The following PKHD1L1 variants were observed in gnomAD, a reference collection of about 807,000 sequenced individuals.
PKHD1L1 encodes the protein fibrocystin-L.
Under a neutral mutation model 462.9 loss-of-function variants are expected in PKHD1L1, and 434 were observed. The ratio of observed to expected loss-of-function variants is 0.94; its 90% CI spans 0.87 to 1.02. The LOEUF is 1.02. PKHD1L1 is among the 50% of genes least tolerant of loss of function. The pLI is 0.00. For missense variants in PKHD1L1, 5,202 were observed against 5,096.1 expected, an observed-to-expected ratio of 1.02 and a Z score of -0.63; for synonymous variants, 1,781 against 1,750.0, an observed-to-expected ratio of 1.02 and a Z score of -0.44.
At chr8:109,510,634 G>C in intron 70 of PKHD1L1, 143 bp from the exon 71 acceptor site, 1 of 1,050,538 alleles carries the variant, frequency 9.5e-7, no homozygotes, top group Non-Finnish European at 1.3e-6. Flanking sequence ...GCTGGGTAAC[G>C]GTGGATGGGT....
At chr8:109,387,460 G>A (rs931745962) in intron 6 of PKHD1L1, among the ~76,000 whole-genome samples, 1 of 152,252 alleles carries the variant, frequency 6.6e-6, no homozygotes, top group South Asian at 2.1e-4. Context: ...GTTATTGTCT[G>A]CAGGCTTGGG....
intron 63 of PKHD1L1, among the ~76,000 whole-genome samples, chr8:109,494,784 A>AAT (rs1452315368): frequency 6.6e-6 from 1 of 151,982 alleles, no homozygotes; most frequent in African/African-American, 2.4e-5. Context: ...CAGTACTTAT[A>AAT]ATTGCATACT....
chr8:109,434,151 T>C (rs1430018660), intron 28 of PKHD1L1, among the ~76,000 whole-genome samples: 1 of 152,050 alleles, frequency 6.6e-6, no homozygotes, highest in Non-Finnish European at 1.5e-5. Context: ...CTAATGTAGG[T>C]GACGGGTTAA....
At chr8:109,363,839 G>A (rs1195678299) in intron 1 of PKHD1L1, among the ~76,000 whole-genome samples, 6 of 152,188 alleles carry the variant, frequency 3.9e-5, no homozygotes, top group African/African-American at 1.4e-4. Flanking sequence ...GACACAAGCA[G>A]CGTGGGTGAA....
At chr8:109,396,321 C>T (rs1812974125) in intron 11 of PKHD1L1, among the ~76,000 whole-genome samples, 184 bp downstream of exon 11, 1 of 152,130 alleles carries the variant, frequency 6.6e-6, no homozygotes, top group Non-Finnish European at 1.5e-5. Flanking sequence ...CAGCAAGGGT[C>T]ACTCCCTGAA....
chr8:109,534,022 C>G lies in PKHD1L1; in HGVS notation c.*3932C>G, dbSNP rs1821098576. 6.6e-6 allele frequency among the ~76,000 whole-genome samples: 1 copy of G among 152,228 alleles called. No individual in the cohort carries two copies. Among genetic ancestry groups the G allele is most frequent in the African/African-American group, 2.4e-5 (1 of 41,450 alleles). ...GTGGTTATCCTAAATCTCCTGCTTT[C>G]ATCAGATGTCTGAGATGGCAAAATT... On this transcript the variant is annotated 3_prime_UTR_variant, in exon 78 of 78. Transcript: ENST00000378402.
chr8:109,404,873 G>A (rs935990419), intron 15 of PKHD1L1, 122 bp from the exon 16 acceptor site: 23 of 1,103,110 alleles, frequency 2.1e-5, no homozygotes, highest in Non-Finnish European at 2.5e-5. Context: ...AAGCCAAAAA[G>A]GCTGTTACTT....
In PKHD1L1 at chr8:109,518,104, C is replaced by T. The variant is rs962188912; in HGVS notation, c.11690-63C>T. ...CTAAATTCAAACAAACATTAAGTAA[C>T]GCATGTTGATTGTGATAATATAAAA... On this transcript the variant is annotated intron_variant, in intron 72 of 77. Coordinates refer to ENST00000378402, the MANE Select transcript of PKHD1L1 (RefSeq NM_177531.6). The T allele has an allele frequency of 1.7e-5, 17 of 986,288 alleles. No individual in the cohort carries two copies. In the East Asian group the frequency reaches 1.8e-4, roughly 10 times the overall value. 61.1% of individuals were successfully genotyped at this position (986,288 alleles called of 1,614,324 possible). A position where few individuals can be genotyped will look rare whatever the true frequency, so the allele number is the denominator to read the frequency against.
In PKHD1L1 at chr8:109,464,829, G is replaced by A; in HGVS notation, c.7997G>A (p.Gly2666Asp). 6.2e-7 allele frequency: 1 copy of A among 1,613,796 alleles called. No homozygotes were observed. The highest frequency in any genetic ancestry group is 8.5e-7 in the Non-Finnish European group (1 of 1,179,794). Residue 2666 changes from glycine to aspartate, a missense_variant, in exon 49 of 78, where the codon GGT (glycine) becomes GAT (aspartate). Physicochemically the swap from Gly to Asp is moderately conservative, Grantham distance 94 (BLOSUM62 -1). This residue lies in a region of PKHD1L1 where 4,497 missense variants were observed against 4,336.8 expected (regional missense o/e 1.04). Coordinates refer to ENST00000378402, the MANE Select transcript of PKHD1L1 (RefSeq NM_177531.6). Reference sequence around the variant, plus strand: ...AAAGGAGCTGAATGGGTCAATGGAGGTGCCCTTCAGTTCCATAACTTTGTG... The same window carrying A: ...AAAGGAGCTGAATGGGTCAATGGAGATGCCCTTCAGTTCCATAACTTTGTG... Reference protein sequence around the residue: ...CQKGAEWVNGGALQFHNFVMV... With the variant: ...CQKGAEWVNGDALQFHNFVMV...
intron 2 of PKHD1L1, among the ~76,000 whole-genome samples, chr8:109,374,144 C>T (rs7832453): frequency 0.59 from 90,115 of 151,840 alleles, 27,305 homozygotes; most frequent in African/African-American, 0.71. Context: ...CTAAGTCTCT[C>T]TTTAGGTCTC....
chr8:109,443,996 A>G lies in PKHD1L1; in HGVS notation c.4791+94A>G. On this transcript the variant is annotated intron_variant, in intron 37 of 77. Coordinates refer to ENST00000378402, the MANE Select transcript of PKHD1L1 (RefSeq NM_177531.6). The stretch of plus-strand genomic sequence containing the variant: ...TTGTTATTTAATTTTTACCAGCTTT[A>G]TTGAGCTATATCACATACCATACAA... The G allele has an allele frequency of 5.6e-6, 6 of 1,069,754 alleles. No individual in the cohort carries two copies. In the South Asian group the frequency reaches 9.4e-5, roughly 17 times the overall value. The allele number at this position is 1,069,754 out of a possible 1,614,324, so 66.3% of individuals were successfully genotyped here.
At chr8:109,370,194 C>T (rs1811427550) in intron 2 of PKHD1L1, among the ~76,000 whole-genome samples, 1 of 152,150 alleles carries the variant, frequency 6.6e-6, no homozygotes, top group South Asian at 2.1e-4. Flanking sequence ...TCTTGGCTCA[C>T]TGCAACCTCT....
intron 76 of PKHD1L1, 143 bp downstream of exon 76, chr8:109,523,529 A>C (rs961708547): frequency 4.1e-6 from 3 of 724,290 alleles, no homozygotes; most frequent in Non-Finnish European, 6.2e-6. Flanking sequence ...TGTTTCAGAA[A>C]ATATTTAGTC....
chr8:109,387,762 A>G (rs536034074), intron 6 of PKHD1L1, among the ~76,000 whole-genome samples: 3 of 152,294 alleles, frequency 2.0e-5, no homozygotes, highest in African/African-American at 7.2e-5. Flanking sequence ...TCTGCAAACA[A>G]AAGTCCTTAT....
chr8:109,415,335 A>G (rs1181651453), intron 21 of PKHD1L1, among the ~76,000 whole-genome samples: 2 of 152,184 alleles, frequency 1.3e-5, no homozygotes, highest in Non-Finnish European at 2.9e-5. Context: ...TGCATCAGCC[A>G]GTTCCCAATT....
chr8:109,387,174 C>A (rs961701331), intron 6 of PKHD1L1, among the ~76,000 whole-genome samples: 1 of 152,124 alleles, frequency 6.6e-6, no homozygotes, highest in African/African-American at 2.4e-5. Flanking sequence ...TTCAGGAGAC[C>A]TGCTTCTCAC....
chr8:109,424,558 C>T (rs910055909), intron 23 of PKHD1L1, among the ~76,000 whole-genome samples: 4 of 152,050 alleles, frequency 2.6e-5, no homozygotes, highest in African/African-American at 7.2e-5. Context: ...TGAATTTCTA[C>T]AGCATTTGCT....
chr8:109,508,399 T>C, intron 70 of PKHD1L1, 135 bp downstream of exon 70: 1 of 888,650 alleles, frequency 1.1e-6, no homozygotes, highest in Admixed American at 2.7e-5. Context: ...TTTGTAACAA[T>C]GAGCAATGCG....
Position 109,400,098 on chromosome 8 carries a change from G to C in PKHD1L1, c.1035G>C (p.Glu345Asp). 2 of 1,613,108 alleles carry C rather than the reference G, an allele frequency of 1.2e-6. No homozygotes were observed. Among genetic ancestry groups the C allele is most frequent in the South Asian group, 2.2e-5 (2 of 91,034 alleles). The stretch of plus-strand genomic sequence containing the variant: ...TAGGAGGGAGAGGCCTGAAGCTTGA[G>C]GTGTGGAATAATAGCCGTCCAATAC... ...VYPGGRGLKL[E>D]VWNNSRPIRL... The change falls in exon 13 of 78, where the codon GAG (glutamate) becomes GAC (aspartate). Residue 345 changes from glutamate to aspartate, a missense_variant. This residue lies in a region of PKHD1L1 where 4,497 missense variants were observed against 4,336.8 expected (regional missense o/e 1.04). Transcript: ENST00000378402.
Sources: allele counts gnomAD v4.1 joint callset (sites outside exome capture counted in the v4.1 genomes callset), GRCh38; gene constraint gnomAD v4.1.1; regional missense constraint gnomAD v4.1.1; transcripts MANE v1.5; gene names NCBI Gene and HGNC (gene_info 2026-07-23, HGNC 2026-07-21).